MEIS1: variants seen among roughly 807,000 people sequenced by gnomAD.
MEIS1 encodes the protein Meis homeobox 1.
MEIS1 carries 5 observed loss-of-function variants against 50.8 expected under a neutral mutation model. The observed-to-expected ratio is 0.10, with a 90% confidence interval of 0.05 to 0.21. The LOEUF is 0.21. MEIS1 is among the 10% of genes least tolerant of loss of function. The pLI, the probability that MEIS1 is intolerant of heterozygous loss-of-function variation, is 1.00. For synonymous variants in MEIS1, 176 were observed against 179.3 expected, an observed-to-expected ratio of 0.98 and a Z score of 0.15; for missense variants, 318 against 517.3, an observed-to-expected ratio of 0.61 and a Z score of 3.74.
intron 7 of MEIS1, among the ~76,000 whole-genome samples, chr2:66,480,449 A>G (rs1672989589): frequency 6.6e-6 from 1 of 152,216 alleles, no homozygotes; most frequent in Non-Finnish European, 1.5e-5. Flanking sequence ...AAGGAGATTT[A>G]GCACACTGGG....
intron 7 of MEIS1, among the ~76,000 whole-genome samples, chr2:66,476,843 C>A (rs927866166): frequency 1.3e-5 from 2 of 152,036 alleles, no homozygotes; most frequent in African/African-American, 4.8e-5. Flanking sequence ...ACTCAGTCTC[C>A]TAAGAGAGCA....
At chr2:66,566,538 A>C (rs767523285) in intron 9 of MEIS1, among the ~76,000 whole-genome samples, 17 of 152,244 alleles carry the variant, frequency 1.1e-4, no homozygotes, top group Non-Finnish European at 2.1e-4. Flanking sequence ...GTAATTTTTA[A>C]TATTATGCAG....
intron 7 of MEIS1, among the ~76,000 whole-genome samples, chr2:66,504,651 T>C (rs1673644472): frequency 6.6e-6 from 1 of 152,216 alleles, no homozygotes; most frequent in Non-Finnish European, 1.5e-5. Context: ...TTTCTTGTTA[T>C]AAGTGCCAAT....
At chr2:66,554,739 C>T (rs1478524183) in intron 9 of MEIS1, among the ~76,000 whole-genome samples, 1 of 152,124 alleles carries the variant, frequency 6.6e-6, no homozygotes, top group East Asian at 1.9e-4. Context: ...CGCTCTGAAA[C>T]TCTCATTCCA....
chr2:66,470,671 A>G (rs1191206739), intron 7 of MEIS1, among the ~76,000 whole-genome samples: 1 of 152,200 alleles, frequency 6.6e-6, no homozygotes, highest in Non-Finnish European at 1.5e-5. Context: ...AGGCAACATC[A>G]CCAGTAAACT....
At chr2:66,491,084 GA>G (rs1026940225) in intron 7 of MEIS1, among the ~76,000 whole-genome samples, 4 of 126,444 alleles carry the variant, frequency 3.2e-5, no homozygotes, top group Non-Finnish European at 4.6e-5. Context: ...CCAACCAATG[GA>G]AAAAAAAAAG....
intron 8 of MEIS1, among the ~76,000 whole-genome samples, chr2:66,542,241 A>G (rs747863348): frequency 6.6e-6 from 1 of 152,208 alleles, no homozygotes; most frequent in Non-Finnish European, 1.5e-5. Flanking sequence ...TAGAAGTTTT[A>G]AAAGAGCACA....
At chr2:66,454,993 A>G (rs765828931) in intron 6 of MEIS1, among the ~76,000 whole-genome samples, 2 of 152,154 alleles carry the variant, frequency 1.3e-5, no homozygotes, top group African/African-American at 2.4e-5. Context: ...ATGAACTACA[A>G]TTTATAGGTA....
intron 7 of MEIS1, among the ~76,000 whole-genome samples, chr2:66,474,800 A>G (rs1450340521): frequency 2.0e-5 from 3 of 152,170 alleles, no homozygotes; most frequent in Admixed American, 1.3e-4. Flanking sequence ...AACGTTGCTC[A>G]CTTTATTTTG....
chr2:66,484,480 A>G (rs1166586540), intron 7 of MEIS1, among the ~76,000 whole-genome samples: 2 of 151,990 alleles, frequency 1.3e-5, no homozygotes, highest in African/African-American at 4.8e-5. Flanking sequence ...TCAAGGGATT[A>G]TAGGTGGTTT....
intron 7 of MEIS1, among the ~76,000 whole-genome samples, chr2:66,466,324 T>C (rs1011618188): frequency 6.6e-6 from 1 of 152,258 alleles, no homozygotes; most frequent in Non-Finnish European, 1.5e-5. Flanking sequence ...AAACTTTCTG[T>C]GCTGGTTTCC....
chr2:66,563,803 C>G (rs188096125), intron 9 of MEIS1, among the ~76,000 whole-genome samples: 2 of 152,226 alleles, frequency 1.3e-5, no homozygotes, highest in African/African-American at 4.8e-5. Context: ...CACCCTGAAG[C>G]CATCTAAACA....
In MEIS1 at chr2:66,559,599, G is replaced by A. The variant is rs978311793; in HGVS notation, c.966-7854G>A. Among the ~76,000 whole-genome samples, 56 of 152,120 alleles carry A rather than the reference G, an allele frequency of 3.7e-4. 1 individual carries two copies. Among genetic ancestry groups the A allele is most frequent in the African/African-American group, 1.3e-3 (54 of 41,416 alleles). On this transcript the variant is annotated intron_variant, in intron 9 of 12. Coordinates refer to ENST00000272369, the MANE Select transcript of MEIS1 (RefSeq NM_002398.3). ...AAGAGAGACACTTCTGTTCTTTGAA[G>A]ACATTATTATACCTATTTTAGCTTT... is the stretch of plus-strand genomic sequence containing the variant.
chr2:66,451,938 A>G (rs1246904967), intron 6 of MEIS1, among the ~76,000 whole-genome samples: 1 of 151,986 alleles, frequency 6.6e-6, no homozygotes, highest in East Asian at 1.9e-4. Context: ...GGAAAAAAAA[A>G]GCTCTGTGTT....
intron 8 of MEIS1, among the ~76,000 whole-genome samples, chr2:66,528,747 C>T (rs1294153844): frequency 6.6e-6 from 1 of 152,190 alleles, no homozygotes; most frequent in Non-Finnish European, 1.5e-5. Context: ...TATTTTGACA[C>T]AGTTTTTCTA....
chr2:66,533,403 C>G (rs1674441192), intron 8 of MEIS1, among the ~76,000 whole-genome samples: 1 of 152,192 alleles, frequency 6.6e-6, no homozygotes, highest in Non-Finnish European at 1.5e-5. Context: ...TAGGCACTTA[C>G]AGCAATGTGT....
intron 6 of MEIS1, among the ~76,000 whole-genome samples, chr2:66,448,756 A>G (rs965288718): frequency 3.9e-5 from 6 of 152,182 alleles, no homozygotes; most frequent in African/African-American, 1.4e-4. Flanking sequence ...GTCGGCATAC[A>G]GCCAAATTGC....
Position 66,498,244 on chromosome 2 carries a change from G to A in MEIS1, c.743-13905G>A, listed in dbSNP as rs181357092. On this transcript the variant is annotated intron_variant, in intron 7 of 12. Transcript: ENST00000272369. The stretch of plus-strand genomic sequence containing the variant: ...CTAAGCCACTGCTGCCAAACGATGC[G>A]CGAAACATTTTTATATAGCTGATTT... Among the ~76,000 whole-genome samples, 265 of 152,168 alleles carry A rather than the reference G, an allele frequency of 1.7e-3. 8 individuals are homozygous for A. The highest frequency in any genetic ancestry group is 0.015 in the Admixed American group (233 of 15,292).
Position 66,442,914 on chromosome 2 carries a change from T to G in MEIS1, c.496T>G (p.Cys166Gly). 1 of 1,591,360 alleles carries G rather than the reference T, an allele frequency of 6.3e-7. No individual in the cohort carries two copies. Among genetic ancestry groups the G allele is most frequent in the Non-Finnish European group, 8.5e-7 (1 of 1,173,370 alleles). ...LLELEKVHELCDNFCHRYISC... is the reference protein window; with the variant it reads ...LLELEKVHELGDNFCHRYISC... Reference sequence around the variant, plus strand: ...TGTCATAATGTAGGTACACGAATTATGTGACAATTTCTGCCACCGGTATAT... The same window carrying G: ...TGTCATAATGTAGGTACACGAATTAGGTGACAATTTCTGCCACCGGTATAT... The change falls in exon 6 of 13, where the codon TGT becomes GGT. Residue 166 changes from cysteine (C) to glycine (G), a missense_variant. Cys to Gly is a radical substitution (Grantham distance 159). This residue lies in a region of MEIS1 where 75 missense variants were observed against 153.7 expected (regional missense o/e 0.49). Coordinates refer to ENST00000272369, the MANE Select transcript of MEIS1 (RefSeq NM_002398.3).
Sources: allele counts gnomAD v4.1 joint callset (sites outside exome capture counted in the v4.1 genomes callset), GRCh38; gene constraint gnomAD v4.1.1; regional missense constraint gnomAD v4.1.1; transcripts MANE v1.5; gene names NCBI Gene and HGNC (gene_info 2026-07-23, HGNC 2026-07-21).